The following GRM3 variants were observed in gnomAD, a reference collection of about 807,000 sequenced individuals.
GRM3 encodes the protein metabotropic glutamate receptor 3.
A neutral mutation model predicts 70.5 loss-of-function variants in GRM3; 26 were observed. The ratio of observed to expected loss-of-function variants is 0.37; its 90% confidence interval spans 0.27 to 0.51. The LOEUF (loss-of-function observed/expected upper bound fraction) is 0.51, where lower values mean the gene tolerates loss of function less well. Ranked by LOEUF, GRM3 falls within the 20% of genes least tolerant of loss-of-function variation. The pLI is 0.93. For synonymous variants in GRM3, 443 were observed against 434.9 expected (o/e 1.02, Z -0.23); for missense variants, 859 against 1,123.8 (o/e 0.76, Z 3.37).
chr7:86,756,226 A>C (rs899390489), intron 1 of GRM3, among the ~76,000 whole-genome samples: 1 of 151,988 alleles, frequency 6.6e-6, no homozygotes, highest in Admixed American at 6.6e-5. Flanking sequence ...TTACAGGCAC[A>C]CACCACCAAG....
chr7:86,860,512 A>C (rs968851800), intron 5 of GRM3, among the ~76,000 whole-genome samples: 5 of 152,238 alleles, frequency 3.3e-5, no homozygotes, highest in African/African-American at 9.6e-5. Flanking sequence ...CACATTAAAA[A>C]GTATTTAGGG....
intron 4 of GRM3, among the ~76,000 whole-genome samples, chr7:86,841,315 G>T (rs1334180191): frequency 6.6e-6 from 1 of 152,096 alleles, no homozygotes; most frequent in Non-Finnish European, 1.5e-5. Flanking sequence ...GATGAAGAAG[G>T]TAAGTTCAAT....
At chr7:86,702,343 C>A (rs2116103939) in intron 1 of GRM3, among the ~76,000 whole-genome samples, 2 of 152,138 alleles carry the variant, frequency 1.3e-5, no homozygotes, top group Non-Finnish European at 2.9e-5. Flanking sequence ...TCATCCCTTG[C>A]TGCATCTTCT....
intron 1 of GRM3, among the ~76,000 whole-genome samples, chr7:86,672,437 T>C (rs533508193): frequency 1.3e-5 from 2 of 152,146 alleles, no homozygotes; most frequent in Non-Finnish European, 2.9e-5. Context: ...GCATAATATA[T>C]ATCCAAAGGT....
intron 1 of GRM3, among the ~76,000 whole-genome samples, chr7:86,717,617 C>T (rs1043977292): frequency 3.3e-5 from 5 of 151,890 alleles, no homozygotes; most frequent in Admixed American, 2.0e-4. Flanking sequence ...AGAAATGATG[C>T]AGATGGTAGC....
intron 5 of GRM3, among the ~76,000 whole-genome samples, chr7:86,855,870 T>A (rs1214741322): frequency 1.3e-5 from 2 of 152,182 alleles, no homozygotes; most frequent in Non-Finnish European, 2.9e-5. Flanking sequence ...TTCTCTATAG[T>A]TCAGCCCCCG....
intron 3 of GRM3, among the ~76,000 whole-genome samples, chr7:86,806,544 C>T (rs1177150957): frequency 3.3e-5 from 5 of 152,146 alleles, no homozygotes; most frequent in Admixed American, 3.3e-4. Flanking sequence ...GCATAAATGT[C>T]TTCTTTTGAG....
rs767828399 is a variant in GRM3 at position 86,722,181 on chromosome 7, A to T, written c.-140-42825A>T. On this transcript the variant is annotated intron_variant, in intron 1 of 5. Transcript: ENST00000361669. ...ACCACCAGCAACTTTGATTCATTAT[A>T]TCTTGGGTTATTCTCAGAAAACTTT... Among the ~76,000 whole-genome samples, 3 of 152,058 alleles carry T rather than the reference A, an allele frequency of 2.0e-5. 1 individual carries two copies. The highest frequency in any genetic ancestry group is 4.4e-5 in the Non-Finnish European group (3 of 67,984).
At chr7:86,713,301 T>A (rs1795241353) in intron 1 of GRM3, among the ~76,000 whole-genome samples, 1 of 152,056 alleles carries the variant, frequency 6.6e-6, no homozygotes, top group African/African-American at 2.4e-5. Context: ...TATTCAGATA[T>A]TTTGCTCATT....
intron 4 of GRM3, among the ~76,000 whole-genome samples, chr7:86,846,985 A>G (rs919720744): frequency 7.9e-5 from 12 of 152,180 alleles, no homozygotes; most frequent in Non-Finnish European, 1.8e-4. Flanking sequence ...AGCAGTAGCC[A>G]GAGTGTCAAT....
At chr7:86,763,422 G>A (rs1159660793) in intron 1 of GRM3, among the ~76,000 whole-genome samples, 3 of 152,222 alleles carry the variant, frequency 2.0e-5, no homozygotes, top group Non-Finnish European at 4.4e-5. Flanking sequence ...TGCTGACCAA[G>A]TGTTTGCTCT....
intron 5 of GRM3, among the ~76,000 whole-genome samples, chr7:86,858,960 T>C (rs1311080282): frequency 6.6e-6 from 1 of 152,164 alleles, no homozygotes; most frequent in African/African-American, 2.4e-5. Context: ...TCAGTCTATG[T>C]ATTTTTTCTT....
At chr7:86,723,757 T>C (rs986671388) in intron 1 of GRM3, among the ~76,000 whole-genome samples, 1 of 152,116 alleles carries the variant, frequency 6.6e-6, no homozygotes, top group Non-Finnish European at 1.5e-5. Context: ...CTGAGGACTT[T>C]AAAGTTTTCT....
rs185319850 is a variant in GRM3, at chr7:86,804,749, G to A, written c.1324+17633G>A. Reference sequence around the variant, plus strand: ...TTTGTCCTTGCTTTTCATATGACAGGTGCTTCTGTTTCTGGGGAAAAATAG... The same window carrying A: ...TTTGTCCTTGCTTTTCATATGACAGATGCTTCTGTTTCTGGGGAAAAATAG... On this transcript the variant is annotated intron_variant, in intron 3 of 5. Coordinates refer to ENST00000361669, the MANE Select transcript of GRM3 (RefSeq NM_000840.3). 6.6e-5 allele frequency among the ~76,000 whole-genome samples: 10 copies of A among 152,254 alleles called. No homozygotes were observed. The South Asian group carries it at 2.1e-3, about 32-fold the overall frequency.
intron 1 of GRM3, among the ~76,000 whole-genome samples, chr7:86,686,210 C>T (rs574336136): frequency 5.8e-4 from 89 of 152,218 alleles, no homozygotes; most frequent in African/African-American, 2.1e-3. Flanking sequence ...CATATGCTTT[C>T]AGTGGGTATT....
intron 3 of GRM3, among the ~76,000 whole-genome samples, chr7:86,812,018 G>A (rs890070986): frequency 1.3e-5 from 2 of 151,586 alleles, no homozygotes; most frequent in African/African-American, 2.4e-5. Context: ...TGTACACTCA[G>A]TAATGATAAA....
At chr7:86,799,016 G>C (rs1384255734) in intron 3 of GRM3, among the ~76,000 whole-genome samples, 2 of 152,160 alleles carry the variant, frequency 1.3e-5, no homozygotes, top group Non-Finnish European at 2.9e-5. Flanking sequence ...GTCTTTATTA[G>C]CAGAGTGAGA....
chr7:86,843,302 T>C (rs568346312), intron 4 of GRM3, among the ~76,000 whole-genome samples: 23 of 152,244 alleles, frequency 1.5e-4, no homozygotes, highest in African/African-American at 5.5e-4. Flanking sequence ...AGTTATGAAA[T>C]AGTAGTTTTT....
chr7:86,856,739 C>T (rs1798857177), intron 5 of GRM3, among the ~76,000 whole-genome samples: 1 of 152,036 alleles, frequency 6.6e-6, no homozygotes, highest in African/African-American at 2.4e-5. Context: ...ATGTTTAGTA[C>T]CTCTCCTTTC....
Sources: gnomAD v4.1 joint callset for allele counts (sites outside exome capture counted in the v4.1 genomes callset) on GRCh38, gnomAD v4.1.1 for gene constraint, MANE v1.5 for transcripts, NCBI Gene and HGNC (gene_info 2026-07-23, HGNC 2026-07-21) for gene names.